TGFBR3: variants seen among roughly 807,000 people sequenced by gnomAD.
The protein encoded by TGFBR3 is transforming growth factor beta receptor 3.
A neutral mutation model predicts 87.9 loss-of-function variants in TGFBR3; 46 were observed. The ratio of observed to expected loss-of-function variants is 0.52; its 90% confidence interval spans 0.41 to 0.67. The LOEUF (loss-of-function observed/expected upper bound fraction) is 0.67, where lower values mean the gene tolerates loss of function less well. TGFBR3 is among the 30% of genes least tolerant of loss of function. TGFBR3 has a pLI of 0.00. For missense variants in TGFBR3, 866 were observed against 1,041.9 expected (o/e 0.83, Z 2.32); for synonymous variants, 381 against 391.6 (o/e 0.97, Z 0.32).
chr1:91,712,670 C>G, intron 12 of TGFBR3, 128 bp from the exon 13 acceptor site: 2 of 805,610 alleles, frequency 2.5e-6, no homozygotes, highest in Non-Finnish European at 4.1e-6. Context: ...ATAGTTATAG[C>G]CTTCTTTCTA....
chr1:91,760,237 A>T lies in TGFBR3; in HGVS notation c.247-1487T>A, dbSNP rs544086359. 8.5e-5 allele frequency among the ~76,000 whole-genome samples: 13 copies of T among 152,334 alleles called. No individual in the cohort carries two copies. The South Asian group carries it at 2.1e-3, about 24-fold the overall frequency. On this transcript the variant is annotated intron_variant, in intron 3 of 16. Coordinates refer to ENST00000212355, the MANE Select transcript of TGFBR3 (RefSeq NM_003243.5). ...GGAGCTTGAGACCAGCCTGGCCAAC[A>T]TGGAAAAACCCCGTCTCTACTAAAA...
At chr1:91,749,292 G>A (rs1204487012) in intron 4 of TGFBR3, among the ~76,000 whole-genome samples, 1 of 152,096 alleles carries the variant, frequency 6.6e-6, no homozygotes, top group African/African-American at 2.4e-5. Flanking sequence ...GTGGCAGACG[G>A]AAGACCCCCT....
At chr1:91,855,911 T>C (rs2634027) in intron 2 of TGFBR3, among the ~76,000 whole-genome samples, 19,763 of 148,854 alleles carry the variant, frequency 0.13, 1,612 homozygotes, top group East Asian at 0.39. Context: ...TTCTCTCTCT[T>C]TTTTTTTTAA....
chr1:91,722,466 AAC>A (rs1242237268), intron 7 of TGFBR3, among the ~76,000 whole-genome samples: 6 of 149,748 alleles, frequency 4.0e-5, no homozygotes, highest in African/African-American at 1.5e-4. Context: ...TTAAATTATT[AAC>A]ACACACAGTA....
At chr1:91,869,275 G>A (rs1446947003) in intron 1 of TGFBR3, among the ~76,000 whole-genome samples, 1 of 152,106 alleles carries the variant, frequency 6.6e-6, no homozygotes, top group Non-Finnish European at 1.5e-5. Context: ...TTCCAGCAAG[G>A]CGGATCACAG....
intron 12 of TGFBR3, 123 bp downstream of exon 12, chr1:91,716,113 C>A (rs2029354): frequency 0.23 from 271,364 of 1,204,748 alleles, 33,136 homozygotes; most frequent in South Asian, 0.31. Flanking sequence ...AATCCCTCAT[C>A]AGACCTGTTG....
At chr1:91,758,834 T>C in intron 3 of TGFBR3, 84 bp from the exon 4 acceptor site, 1 of 1,552,184 alleles carries the variant, frequency 6.4e-7, no homozygotes, top group Non-Finnish European at 8.9e-7. Flanking sequence ...AATACTTTTT[T>C]TGCAACTCAC....
At chr1:91,861,810 A>C in intron 1 of TGFBR3, 166 bp from the exon 2 acceptor site, 1 of 441,658 alleles carries the variant, frequency 2.3e-6, no homozygotes, top group Non-Finnish European at 4.1e-6. Flanking sequence ...CTATCTAATA[A>C]AGATTTTTAT....
intron 3 of TGFBR3, among the ~76,000 whole-genome samples, chr1:91,761,686 A>G (rs904899427): frequency 6.6e-6 from 1 of 152,142 alleles, no homozygotes; most frequent in South Asian, 2.1e-4. Flanking sequence ...AAAAGCTTCC[A>G]GAAATGTAGA....
chr1:91,745,585 C>T (rs1465431784), intron 4 of TGFBR3, among the ~76,000 whole-genome samples: 1 of 152,198 alleles, frequency 6.6e-6, no homozygotes, highest in African/African-American at 2.4e-5. Context: ...AACAAACATA[C>T]TGGAACAGCA....
At chr1:91,812,039 G>A (rs770686285) in intron 2 of TGFBR3, among the ~76,000 whole-genome samples, 2 of 152,032 alleles carry the variant, frequency 1.3e-5, no homozygotes, top group African/African-American at 4.8e-5. Context: ...GCAAACCTTC[G>A]TAAACCACAC....
intron 4 of TGFBR3, among the ~76,000 whole-genome samples, chr1:91,736,415 AC>A (rs1672969625): frequency 6.9e-6 from 1 of 145,118 alleles, no homozygotes; most frequent in African/African-American, 2.5e-5. Context: ...CTCGGTGTAA[AC>A]CAAAGCTACT....
In TGFBR3 at chr1:91,734,976, T is replaced by C. The variant is rs542085331; in HGVS notation, c.385-17A>G. ...CTCAGACACCTAGAGGAAAGAGAATTGCGTATTTAACATGGTGCAGTCACC... is the reference window on the plus strand; with the variant it reads ...CTCAGACACCTAGAGGAAAGAGAATCGCGTATTTAACATGGTGCAGTCACC... On this transcript the variant is annotated splice_polypyrimidine_tract_variant and intron_variant, in intron 4 of 16. Transcript: ENST00000212355. The C allele has an allele frequency of 3.1e-6, 5 of 1,613,988 alleles. No individual in the cohort carries two copies. Among genetic ancestry groups the C allele is most frequent in the Non-Finnish European group, 1.7e-6 (2 of 1,179,932 alleles).
intron 2 of TGFBR3, among the ~76,000 whole-genome samples, chr1:91,826,981 C>T (rs574977023): frequency 1.4e-4 from 21 of 152,160 alleles, no homozygotes; most frequent in Non-Finnish European, 1.9e-4. Context: ...CAGATTTTAA[C>T]GGAGAAAAAA....
At chr1:91,780,892 C>CAA (rs1674742465) in intron 3 of TGFBR3, among the ~76,000 whole-genome samples, 1 of 75,680 alleles carries the variant, frequency 1.3e-5, no homozygotes, top group African/African-American at 4.6e-5. Context: ...ACTACACACA[C>CAA]ACACACACAC....
At chr1:91,711,241 C>T (rs915268906) in intron 13 of TGFBR3, among the ~76,000 whole-genome samples, 21 of 152,182 alleles carry the variant, frequency 1.4e-4, no homozygotes, top group African/African-American at 5.1e-4. Flanking sequence ...ATGTGCTCCC[C>T]AATGATTATG....
chr1:91,716,965 T>C (rs891341920), intron 10 of TGFBR3, among the ~76,000 whole-genome samples: 1 of 152,250 alleles, frequency 6.6e-6, no homozygotes, highest in African/African-American at 2.4e-5. Context: ...TAAATATTTA[T>C]GTTGTAACCA....
At chr1:91,708,562 A>G in intron 14 of TGFBR3, 101 bp downstream of exon 14, 1 of 1,581,514 alleles carries the variant, frequency 6.3e-7, no homozygotes, top group Non-Finnish European at 8.6e-7. Flanking sequence ...CTGGCCCTTT[A>G]GTTATCTTGT....
At chr1:91,686,606 T>TAA (rs1557656284) in intron 16 of TGFBR3, among the ~76,000 whole-genome samples, 2 of 42,226 alleles carry the variant, frequency 4.7e-5, no homozygotes, top group Non-Finnish European at 9.7e-5. Context: ...TTTTGACAGA[T>TAA]TAAGTTTTTT....
Sources: gnomAD v4.1 joint callset for allele counts (sites outside exome capture counted in the v4.1 genomes callset) on GRCh38, gnomAD v4.1.1 for gene constraint, MANE v1.5 for transcripts, NCBI Gene and HGNC (gene_info 2026-07-23, HGNC 2026-07-21) for gene names.